The following TXNDC16 variants were observed in gnomAD, a reference collection of about 807,000 sequenced individuals.
The protein encoded by TXNDC16 is thioredoxin domain containing 16, also known as thioredoxin domain-containing protein 16.
In TXNDC16, 74 loss-of-function variants were observed where a neutral mutation model predicts 85.6. The ratio of observed to expected loss-of-function variants is 0.86; its 90% confidence interval spans 0.72 to 1.05. The LOEUF (loss-of-function observed/expected upper bound fraction) is 1.05, where lower values mean the gene tolerates loss of function less well. TXNDC16 is among the 50% of genes least tolerant of loss of function. The pLI is 0.00. For synonymous variants in TXNDC16, 335 were observed against 326.5 expected (o/e 1.03, Z -0.28); for missense variants, 959 against 947.0 (o/e 1.01, Z -0.17).
At chr14:52,548,448 C>T (rs1053058695) in intron 1 of TXNDC16, among the ~76,000 whole-genome samples, 4 of 152,162 alleles carry the variant, frequency 2.6e-5, no homozygotes, top group Non-Finnish European at 5.9e-5. Flanking sequence ...TGGGGTGTGA[C>T]TGGCCTTAGC....
At chr14:52,529,706 T>C (rs978117646) in intron 6 of TXNDC16, among the ~76,000 whole-genome samples, 1 of 117,192 alleles carries the variant, frequency 8.5e-6, no homozygotes, top group African/African-American at 3.5e-5. Flanking sequence ...ATATAATATA[T>C]ATAATGCCTA....
At position 52,521,260 on chromosome 14, in the gene TXNDC16, G is replaced by A. The variant is rs529461751; in HGVS notation, c.393-1967C>T. Among the ~76,000 whole-genome samples, 689 of 148,858 alleles carry A rather than the reference G, an allele frequency of 4.6e-3. 6 individuals are homozygous for A. The highest frequency in any genetic ancestry group is 0.016 in the African/African-American group (659 of 40,328). ...CCCGAGTGGCTGGGACTACAGGCGT[G>A]CACCCCCACGCCTGGCTATTTTTTT... On this transcript the variant is annotated intron_variant, in intron 6 of 20. Transcript: ENST00000281741.
Position 52,442,243 on chromosome 14 carries a change from T to G in TXNDC16, c.1843-1519A>C, listed in dbSNP as rs991442080. Among the ~76,000 whole-genome samples, 6 of 152,152 alleles carry G rather than the reference T, an allele frequency of 3.9e-5. No homozygotes were observed. In the East Asian group the frequency reaches 1.2e-3, roughly 29 times the overall value. On this transcript the variant is annotated intron_variant, in intron 18 of 20. Transcript: ENST00000281741. ...CTACCATTTTCAGTTCCACGTCCAT[T>G]ATTTCATCCTCTGGATACACCTGCG...
chr14:52,503,487 C>T (rs987891397), intron 9 of TXNDC16, among the ~76,000 whole-genome samples: 58 of 152,322 alleles, frequency 3.8e-4, no homozygotes, highest in Middle Eastern at 3.4e-3. Context: ...CTCCAGCAAA[C>T]TCCAACAGAC....
At chr14:52,443,960 A>G (rs1481162915) in intron 18 of TXNDC16, among the ~76,000 whole-genome samples, 1 of 152,182 alleles carries the variant, frequency 6.6e-6, no homozygotes, top group East Asian at 1.9e-4. Context: ...GGTATGGATA[A>G]AATTTTCCAA....
intron 9 of TXNDC16, among the ~76,000 whole-genome samples, chr14:52,493,216 T>TATATATATATATATATACACAC: frequency 1.4e-4 from 16 of 115,988 alleles, no homozygotes; most frequent in African/African-American, 5.3e-4. Flanking sequence ...TATATATATA[T>TATATATATATATATATACACAC]ACACACACAC....
chr14:52,536,576 G>A (rs963737509), intron 6 of TXNDC16, 143 bp downstream of exon 6: 54 of 763,812 alleles, frequency 7.1e-5, no homozygotes, highest in Non-Finnish European at 1.1e-4. Flanking sequence ...GATGTGGGAA[G>A]ATAGATTAGT....
intron 16 of TXNDC16, among the ~76,000 whole-genome samples, chr14:52,465,812 G>A (rs181413949): frequency 3.3e-5 from 5 of 152,254 alleles, no homozygotes; most frequent in Non-Finnish European, 5.9e-5. Flanking sequence ...AAAAAATACT[G>A]TAGTTTATGC....
intron 4 of TXNDC16, among the ~76,000 whole-genome samples, chr14:52,539,810 G>A (rs779134527): frequency 1.3e-4 from 20 of 152,080 alleles, no homozygotes; most frequent in Admixed American, 2.6e-4. Context: ...GATTTCTTCT[G>A]GTTATCACTT....
intron 18 of TXNDC16, among the ~76,000 whole-genome samples, chr14:52,446,299 T>G (rs2035282468): frequency 6.6e-6 from 1 of 152,238 alleles, no homozygotes; most frequent in Non-Finnish European, 1.5e-5. Context: ...TGCATTGAAC[T>G]CAGTGCTGCC....
chr14:52,514,858 G>A (rs532070608), intron 8 of TXNDC16, 22 bp downstream of exon 8: 3 of 1,529,322 alleles, frequency 2.0e-6, no homozygotes, highest in Non-Finnish European at 2.7e-6. Flanking sequence ...TTAAATTGTT[G>A]ACATATGCTT....
chr14:52,496,997 C>A (rs1030862726), intron 9 of TXNDC16, among the ~76,000 whole-genome samples: 3 of 151,700 alleles, frequency 2.0e-5, no homozygotes, highest in African/African-American at 7.3e-5. Context: ...AGGGTAGTAT[C>A]ATAAAAATTA....
intron 20 of TXNDC16, among the ~76,000 whole-genome samples, chr14:52,432,798 T>A (rs2034935705): frequency 2.6e-5 from 4 of 152,150 alleles, no homozygotes. Context: ...CATTTTTAGA[T>A]TACATTTACA....
rs576298336 is a variant in TXNDC16, at chr14:52,493,303, T to C, written c.757-2298A>G. On this transcript the variant is annotated intron_variant, in intron 9 of 20. Coordinates refer to ENST00000281741, the MANE Select transcript of TXNDC16 (RefSeq NM_020784.3). ...TCAGCTTCTAGTTTCAAATTCTAAA[T>C]TGTGAATAGATATCCAAGGATTAAC... Among the ~76,000 whole-genome samples the C allele has an allele frequency of 5.9e-5, 9 of 151,694 alleles. No individual in the cohort carries two copies. The East Asian group carries it at 1.7e-3, about 29-fold the overall frequency.
At chr14:52,518,320 C>A (rs760022990) in intron 7 of TXNDC16, among the ~76,000 whole-genome samples, 2 of 152,212 alleles carry the variant, frequency 1.3e-5, no homozygotes, top group African/African-American at 2.4e-5. Context: ...ATACTCATAT[C>A]TCTATTTGAA....
In TXNDC16 at chr14:52,432,104, T is replaced by C. The variant is rs906164702; in HGVS notation, c.*200A>G. ...GGGTATACTACTGGGTGAAAAGTAA[T>C]ATCAAAATTATTTTGCCCTGCTCAC... On this transcript the variant is annotated 3_prime_UTR_variant, in exon 21 of 21. Transcript: ENST00000281741. The C allele has an allele frequency of 2.3e-5, 10 of 431,194 alleles. No individual in the cohort carries two copies. Among genetic ancestry groups the C allele is most frequent in the Non-Finnish European group, 4.0e-5 (10 of 251,904 alleles). The allele number at this position is 431,194 out of a possible 1,614,324, so 26.7% of individuals were successfully genotyped here.
chr14:52,433,850 A>G (rs1390758776), intron 20 of TXNDC16, among the ~76,000 whole-genome samples: 2 of 152,164 alleles, frequency 1.3e-5, no homozygotes, highest in African/African-American at 4.8e-5. Flanking sequence ...TGTAGTTTGC[A>G]ATATGCAGAT....
At position 52,433,487 on chromosome 14, in the gene TXNDC16, T is replaced by C. The variant is rs570595137; in HGVS notation, c.2195-900A>G. On this transcript the variant is annotated intron_variant, in intron 20 of 20. Transcript: ENST00000281741. The stretch of plus-strand genomic sequence containing the variant: ...ATGAAAGAATCTATGCACTGTTACA[T>C]GCTAAAAAATAATAATAAATGCTCA... Among the ~76,000 whole-genome samples the C allele has an allele frequency of 1.1e-3, 171 of 152,292 alleles. 1 individual carries two copies. Among genetic ancestry groups the C allele is most frequent in the African/African-American group, 4.0e-3 (166 of 41,582 alleles).
At chr14:52,444,329 A>C (rs1394475431) in intron 18 of TXNDC16, among the ~76,000 whole-genome samples, 1 of 152,218 alleles carries the variant, frequency 6.6e-6, no homozygotes, top group African/African-American at 2.4e-5. Flanking sequence ...AACAGGAAAC[A>C]GTCTTAAATA....
Sources: allele counts gnomAD v4.1 joint callset (sites outside exome capture counted in the v4.1 genomes callset), GRCh38; gene constraint gnomAD v4.1.1; transcripts MANE v1.5; gene names NCBI Gene and HGNC (gene_info 2026-07-23, HGNC 2026-07-21).